Variants in ZNF721 observed in about 807,000 individuals in gnomAD.
The protein encoded by ZNF721 is zinc finger protein 721.
ZNF721 carries 2 observed loss-of-function variants against 2.4 expected under a neutral mutation model. The observed-to-expected ratio is 0.82, with a 90% CI of 0.34 to 2.58. The LOEUF (loss-of-function observed/expected upper bound fraction) is 2.58, where lower values mean the gene tolerates loss of function less well. Among genes scored for constraint, ZNF721 ranks in the 30% most tolerant of loss-of-function variants. The probability of loss-of-function intolerance (pLI) is 0.11; values close to 1 mark genes in which losing one functional copy is unlikely to be tolerated. For synonymous variants in ZNF721, 398 were observed against 381.8 expected, an observed-to-expected ratio of 1.04 and a Z score of -0.50; for missense variants, 1,187 against 1,085.5, an observed-to-expected ratio of 1.09 and a Z score of -1.31.
At chr4:492,820 A>G (rs942363822) in intron 1 of ZNF721, among the ~76,000 whole-genome samples, 1 of 149,374 alleles carries the variant, frequency 6.7e-6, no homozygotes, top group African/African-American at 2.4e-5. Context: ...ACCTCACTTT[A>G]TTTTTGTAAC....
chr4:478,332 C>T (rs1553868898), intron 1 of ZNF721, among the ~76,000 whole-genome samples: 2 of 152,036 alleles, frequency 1.3e-5, no homozygotes, highest in African/African-American at 2.4e-5. Context: ...AGTATATACT[C>T]GCTGTTACTT....
At chr4:469,386 C>T (rs1369072604) in intron 2 of ZNF721, among the ~76,000 whole-genome samples, 2 of 151,826 alleles carry the variant, frequency 1.3e-5, no homozygotes, top group African/African-American at 2.4e-5. Context: ...TACAATAAAG[C>T]ACAAAATCTA....
chr4:474,222 G>A, intron 1 of ZNF721: 3 of 387,498 alleles, frequency 7.7e-6, no homozygotes, highest in African/African-American at 2.1e-5. Context: ...TCAGTCAAGC[G>A]CTCTGATTGG....
chr4:472,142 A>G (rs1473847825), intron 2 of ZNF721, among the ~76,000 whole-genome samples: 1 of 152,236 alleles, frequency 6.6e-6, no homozygotes, highest in Non-Finnish European at 1.5e-5. Flanking sequence ...GGCTCACTGC[A>G]ACCTCTGCCT....
Position 443,313 on chromosome 4 carries a change from C to G in ZNF721, c.1154G>C (p.Gly385Ala). ...CTCTTCACATTTGTAAGGTTTCTCT[C>G]CAGTATGAATTTTCTTGTGTTGATT... Reference protein sequence around the residue: ...ALNQHKKIHTGEKPYKCEECG... With the variant: ...ALNQHKKIHTAEKPYKCEECG... Residue 385 changes from glycine to alanine, a missense_variant, in exon 3 of 3, where the codon GGA becomes GCA. By Grantham distance (60) the Gly-to-Ala change is moderately conservative (BLOSUM62 0). Transcript: ENST00000511833. 1 of 1,614,088 alleles carries G rather than the reference C, an allele frequency of 6.2e-7. No homozygotes were observed. The highest frequency in any genetic ancestry group is 8.5e-7 in the Non-Finnish European group (1 of 1,179,980).
Position 440,508 on chromosome 4 carries a change from A to C in ZNF721, c.*1187T>G, listed in dbSNP as rs1205223333. On this transcript the variant is annotated 3_prime_UTR_variant, in exon 3 of 3. Transcript: ENST00000511833. ...ACAGGTTCAACTTTTGTTATACTTA[A>C]TACTCTGATTTATTTTAAAGTCTGA... 1 of 152,208 alleles carries C rather than the reference A, an allele frequency of 6.6e-6. No individual in the cohort carries two copies. The highest frequency in any genetic ancestry group is 1.5e-5 in the Non-Finnish European group (1 of 68,024). The allele number at this position is 152,208 out of a possible 1,614,324, so 9.4% of individuals were successfully genotyped here.
intron 1 of ZNF721, among the ~76,000 whole-genome samples, chr4:480,162 T>C (rs1715736963): frequency 6.6e-6 from 1 of 152,170 alleles, no homozygotes. Flanking sequence ...TGCATGTATT[T>C]GTCTTCCTCT....
At chr4:498,215 GAAAAAA>G (rs797042296) in intron 1 of ZNF721, among the ~76,000 whole-genome samples, 3 of 83,940 alleles carry the variant, frequency 3.6e-5, no homozygotes, top group African/African-American at 1.3e-4. Context: ...AAAAGAAAAA[GAAAAAA>G]AAAAAAAAAA....
chr4:464,233 G>T (rs909701921), intron 2 of ZNF721, among the ~76,000 whole-genome samples: 3 of 152,166 alleles, frequency 2.0e-5, no homozygotes, highest in African/African-American at 7.2e-5. Context: ...CACTTTGGGA[G>T]GCCAAGGCGG....
At position 442,976 on chromosome 4, in the gene ZNF721, G is replaced by T. The variant is rs371757675; in HGVS notation, c.1491C>A (p.Gly497=). 1.9e-6 allele frequency: 3 copies of T among 1,613,296 alleles called. No homozygotes were observed. The Admixed American group carries it at 5.0e-5, about 27-fold the overall frequency. ...SFAKHKRIHT[G]EKPFECLECG... ...ATTCTAAACATTCAAAGGGTTTCTC[G>T]CCAGTATGAATCCTCTTATGTTTAG... Residue 497 remains glycine, a synonymous_variant, in exon 3 of 3, where the codon GGC becomes GGA. Transcript: ENST00000511833.
intron 2 of ZNF721, among the ~76,000 whole-genome samples, chr4:456,677 G>A (rs1378941956): frequency 1.3e-5 from 2 of 152,124 alleles, no homozygotes; most frequent in African/African-American, 4.8e-5. Flanking sequence ...TCAAGAGATC[G>A]AGACCATTCT....
Position 443,392 on chromosome 4 carries a change from T to C in ZNF721, c.1075A>G (p.Lys359Glu). ...CCACAGTCTTCGCATTTGTAAGGTT[T>C]CTCTCCAGTATGAATTCTCCTATGT... is the stretch of plus-strand genomic sequence containing the variant. Reference protein sequence around the residue: ...YVHRRIHTGEKPYKCEDCGKA... With the variant: ...YVHRRIHTGEEPYKCEDCGKA... The change falls in exon 3 of 3, where the codon AAA becomes GAA. Residue 359 changes from lysine (K) to glutamate (E), a missense_variant. Coordinates refer to ENST00000511833, the MANE Select transcript of ZNF721 (RefSeq NM_133474.4). 1 of 1,614,144 alleles carries C rather than the reference T, an allele frequency of 6.2e-7. No homozygotes were observed. Among genetic ancestry groups the C allele is most frequent in the Non-Finnish European group, 8.5e-7 (1 of 1,179,996 alleles).
chr4:449,342 G>GA (rs1330796645), intron 2 of ZNF721, among the ~76,000 whole-genome samples: 1 of 151,792 alleles, frequency 6.6e-6, no homozygotes, highest in Admixed American at 6.6e-5. Flanking sequence ...TTTGTTATTG[G>GA]AAAAAGACAA....
intron 2 of ZNF721, among the ~76,000 whole-genome samples, chr4:460,606 T>C (rs544104009): frequency 1.1e-3 from 136 of 119,054 alleles, no homozygotes; most frequent in Non-Finnish European, 2.1e-3. Context: ...CTGGAGGAAA[T>C]AGAGACACGA....
chr4:453,562 A>G (rs1487623932), intron 2 of ZNF721: 1 of 152,226 alleles, frequency 6.6e-6, no homozygotes, highest in African/African-American at 2.4e-5. Flanking sequence ...GAGAGGCATT[A>G]TAATGGAATA....
chr4:491,605 G>A (rs1441330095), intron 1 of ZNF721, among the ~76,000 whole-genome samples: 1 of 152,168 alleles, frequency 6.6e-6, no homozygotes, highest in East Asian at 1.9e-4. Context: ...GAGGAAACAT[G>A]AACAAACCCT....
chr4:462,776 G>A (rs1478314015), intron 2 of ZNF721, among the ~76,000 whole-genome samples: 2 of 152,140 alleles, frequency 1.3e-5, no homozygotes, highest in African/African-American at 2.4e-5. Context: ...AGACGTAAAT[G>A]TAAGGCCTAA....
intron 2 of ZNF721, among the ~76,000 whole-genome samples, chr4:451,078 A>G (rs1714646156): frequency 6.6e-6 from 1 of 150,540 alleles, no homozygotes; most frequent in Non-Finnish European, 1.5e-5. Flanking sequence ...AATTCCTGGA[A>G]ACACAAATGT....
At chr4:495,661 C>T (rs1035355294) in intron 1 of ZNF721, among the ~76,000 whole-genome samples, 2 of 151,760 alleles carry the variant, frequency 1.3e-5, no homozygotes, top group South Asian at 2.1e-4. Context: ...CGTGCAGTGA[C>T]GTGTGATCTC....
Sources: gnomAD v4.1 joint callset for allele counts (sites outside exome capture counted in the v4.1 genomes callset) on GRCh38, gnomAD v4.1.1 for gene constraint, MANE v1.5 for transcripts, NCBI Gene and HGNC (gene_info 2026-07-23, HGNC 2026-07-21) for gene names.